Variants in MRPS31 observed in about 807,000 individuals in gnomAD.
MRPS31 encodes mitochondrial ribosomal protein S31, also known as small ribosomal subunit protein mS31.
In MRPS31, 32 loss-of-function variants were observed where a neutral mutation model predicts 43.1. The ratio of observed to expected loss-of-function variants is 0.74; its 90% CI spans 0.56 to 1.00. The LOEUF is 1.00. Ranked by LOEUF, MRPS31 falls within the 50% of genes least tolerant of loss-of-function variation. The probability of loss-of-function intolerance (pLI) is 0.00; values close to 1 mark genes in which losing one functional copy is unlikely to be tolerated. For missense variants in MRPS31, 437 were observed against 466.7 expected (o/e 0.94, Z 0.59); for synonymous variants, 165 against 161.6 (o/e 1.02, Z -0.16).
chr13:40,746,686 C>A (rs1880248627), intron 6 of MRPS31, among the ~76,000 whole-genome samples: 1 of 152,114 alleles, frequency 6.6e-6, no homozygotes, highest in East Asian at 1.9e-4. Context: ...TCCTAACACC[C>A]TATTTGGTGG....
intron 2 of MRPS31, among the ~76,000 whole-genome samples, chr13:40,759,460 C>CA (rs201137067): frequency 1.3e-5 from 2 of 150,422 alleles, no homozygotes; most frequent in Admixed American, 6.6e-5. Flanking sequence ...CCAAAACAAA[C>CA]AAAAAAAACA....
At chr13:40,753,748 G>A (rs1245950891) in intron 5 of MRPS31, among the ~76,000 whole-genome samples, 1 of 152,184 alleles carries the variant, frequency 6.6e-6, no homozygotes, top group Non-Finnish European at 1.5e-5. Context: ...GAGCTGCTCA[G>A]GAATGTCCAG....
At chr13:40,733,771 G>A (rs1038730585) in intron 6 of MRPS31, among the ~76,000 whole-genome samples, 11 of 151,940 alleles carry the variant, frequency 7.2e-5, no homozygotes, top group Non-Finnish European at 1.3e-4. Context: ...AGGAGTTCAC[G>A]ACCAGCCTGG....
intron 1 of MRPS31, among the ~76,000 whole-genome samples, chr13:40,769,132 G>A (rs908770768): frequency 6.6e-6 from 1 of 151,764 alleles, no homozygotes; most frequent in Non-Finnish European, 1.5e-5. Context: ...AATTCCAGCA[G>A]TTTGGGAGGC....
intron 4 of MRPS31, among the ~76,000 whole-genome samples, chr13:40,754,846 T>C (rs1268961412): frequency 1.3e-5 from 2 of 152,156 alleles, no homozygotes; most frequent in African/African-American, 2.4e-5. Flanking sequence ...CTGGCCAACA[T>C]GGTGAAACCC....
In MRPS31 at chr13:40,757,759, T is replaced by TA. The variant is rs528502343; in HGVS notation, c.600-747dup. 2.1e-3 allele frequency among the ~76,000 whole-genome samples: 307 copies of TA among 146,782 alleles called. 3 individuals carry two copies. The highest frequency in any genetic ancestry group is 6.9e-3 in the African/African-American group (273 of 39,538). ...GCGCCTGGCTTTTTTTTTTTTTTTT[T>TA]AATTACAGTTTCTTGTCTCACACTA... On this transcript the variant is annotated intron_variant, in intron 3 of 6. Transcript: ENST00000323563.
At chr13:40,745,787 C>T (rs2138002772) in intron 6 of MRPS31, among the ~76,000 whole-genome samples, 1 of 151,728 alleles carries the variant, frequency 6.6e-6, no homozygotes, top group Non-Finnish European at 1.5e-5. Context: ...TAAAAACCAA[C>T]CTTAGAAACA....
At chr13:40,735,306 A>G (rs1056142687) in intron 6 of MRPS31, among the ~76,000 whole-genome samples, 1 of 152,226 alleles carries the variant, frequency 6.6e-6, no homozygotes, top group African/African-American at 2.4e-5. Context: ...GCTGATTGCT[A>G]GCACAGCAGT....
chr13:40,744,444 C>A (rs1880184619), intron 6 of MRPS31, among the ~76,000 whole-genome samples: 1 of 152,126 alleles, frequency 6.6e-6, no homozygotes, highest in Non-Finnish European at 1.5e-5. Flanking sequence ...AAAAAGTAAA[C>A]ATTTAGCTAT....
intron 6 of MRPS31, among the ~76,000 whole-genome samples, chr13:40,737,159 C>A (rs1356648510): frequency 1.3e-5 from 2 of 150,208 alleles, no homozygotes; most frequent in Non-Finnish European, 3.0e-5. Flanking sequence ...AGACTTTAAA[C>A]CAACAAAGAT....
At chr13:40,765,936 C>T (rs1052136116) in intron 2 of MRPS31, among the ~76,000 whole-genome samples, 1 of 152,098 alleles carries the variant, frequency 6.6e-6, no homozygotes, top group African/African-American at 2.4e-5. Context: ...AATTTTAATA[C>T]TCTGAGGAAA....
rs773701873 is a variant in MRPS31, at chr13:40,759,032, G to C, written c.515C>G (p.Thr172Arg). 6 of 1,608,328 alleles carry C rather than the reference G, an allele frequency of 3.7e-6. 1 individual carries two copies. In the South Asian group the frequency reaches 6.7e-5, roughly 18 times the overall value. Residue 172 changes from threonine to arginine, a missense_variant, in exon 3 of 7, where the codon ACA (threonine) becomes AGA (arginine). Transcript: ENST00000323563. Reference protein sequence around the residue: ...VADSLPFDKQTTKSELLSQLQ... With the variant: ...VADSLPFDKQRTKSELLSQLQ... The stretch of plus-strand genomic sequence containing the variant: ...CTGGCTCAGCAGCTCTGACTTGGTT[G>C]TTTGCTTATCAAAAGGGAGAGAATC...
chr13:40,767,584 C>G (rs2138020162), intron 1 of MRPS31, among the ~76,000 whole-genome samples: 1 of 152,336 alleles, frequency 6.6e-6, no homozygotes, highest in African/African-American at 2.4e-5. Context: ...CTAAAACACA[C>G]TGTGTGCCAC....
At position 40,767,023 on chromosome 13, in the gene MRPS31, T is replaced by A. The variant is rs764279977; in HGVS notation, c.163A>T (p.Asn55Tyr). The change falls in exon 2 of 7, where the codon AAC becomes TAC. Residue 55 changes from asparagine (N) to tyrosine (Y), a missense_variant. Coordinates refer to ENST00000323563, the MANE Select transcript of MRPS31 (RefSeq NM_005830.4). ...TTAGTGCCAAAATATCTTTGGATGT[T>A]ATTTTTTGTCCTGGAAAGATGCATT... ...SSALLARTKN[N>Y]IQRYFGTNSV... 1 of 1,604,630 alleles carries A rather than the reference T, an allele frequency of 6.2e-7. No homozygotes were observed. Among genetic ancestry groups the A allele is most frequent in the South Asian group, 1.1e-5 (1 of 88,262 alleles).
chr13:40,753,670 GCA>G (rs1880453222), intron 5 of MRPS31, among the ~76,000 whole-genome samples: 1 of 152,276 alleles, frequency 6.6e-6, no homozygotes, highest in East Asian at 1.9e-4. Context: ...CAGTCATCGC[GCA>G]CACAGAGTAG....
At position 40,735,239 on chromosome 13, in the gene MRPS31, G is replaced by C. The variant is rs557857267; in HGVS notation, c.959-5638C>G. 2.0e-5 allele frequency among the ~76,000 whole-genome samples: 3 copies of C among 152,266 alleles called. No homozygotes were observed. In the East Asian group the frequency reaches 5.8e-4, roughly 30 times the overall value. On this transcript the variant is annotated intron_variant, in intron 6 of 6. Coordinates refer to ENST00000323563, the MANE Select transcript of MRPS31 (RefSeq NM_005830.4). ...CGCTTTTCCAACGGGCTTAAAAAAC[G>C]GCGCACCAGATTATATCCCGCACCT...
intron 6 of MRPS31, among the ~76,000 whole-genome samples, chr13:40,744,623 G>A (rs1230316686): frequency 1.3e-5 from 2 of 152,034 alleles, no homozygotes; most frequent in Non-Finnish European, 2.9e-5. Context: ...GTGCAGTGGC[G>A]CGACCTCTGC....
intron 2 of MRPS31, among the ~76,000 whole-genome samples, chr13:40,762,783 TG>T (rs1880737148): frequency 0.014 from 2 of 148 alleles, no homozygotes; most frequent in African/African-American, 0.071. Flanking sequence ...GTATAGACAT[TG>T]TGTGTGTGTG....
In MRPS31 at chr13:40,771,146, A is replaced by G. The variant is rs751020580; in HGVS notation, c.-10T>C. ...AGACTCTAGGAAACATCGCCGAGAC[A>G]CGAAATGAACCAAGAACACAACTGA... On this transcript the variant is annotated 5_prime_UTR_variant, in exon 1 of 7. Transcript: ENST00000323563. 2.5e-6 allele frequency: 4 copies of G among 1,593,998 alleles called. No homozygotes were observed. The highest frequency in any genetic ancestry group is 3.5e-5 in the Admixed American group (2 of 57,778).
Sources: allele counts gnomAD v4.1 joint callset (sites outside exome capture counted in the v4.1 genomes callset), GRCh38; gene constraint gnomAD v4.1.1; transcripts MANE v1.5; gene names NCBI Gene and HGNC (gene_info 2026-07-23, HGNC 2026-07-21).